The following MACROD2 variants were observed in gnomAD, a reference collection of about 807,000 sequenced individuals.
The protein encoded by MACROD2 is mono-ADP ribosylhydrolase 2, also known as ADP-ribose glycohydrolase MACROD2.
A neutral mutation model predicts 70.4 loss-of-function variants in MACROD2; 36 were observed. That is an observed-to-expected ratio of 0.51 (90% confidence interval 0.39 to 0.68). The LOEUF is 0.68. Among genes scored for constraint, MACROD2 ranks in the 30% least tolerant of loss-of-function variants. MACROD2 has a pLI of 0.00. For missense variants in MACROD2, 496 were observed against 538.4 expected (o/e 0.92, Z 0.78); for synonymous variants, 172 against 178.8 (o/e 0.96, Z 0.30).
At chr20:15,343,060 G>A (rs958224460) in intron 6 of MACROD2, among the ~76,000 whole-genome samples, 6 of 152,168 alleles carry the variant, frequency 3.9e-5, no homozygotes, top group African/African-American at 1.4e-4. Flanking sequence ...TTCAGTGATA[G>A]CCCAGATGCA....
intron 8 of MACROD2, among the ~76,000 whole-genome samples, chr20:15,744,612 T>C (rs375068600): frequency 6.6e-6 from 1 of 152,010 alleles, no homozygotes; most frequent in Admixed American, 6.6e-5. Context: ...GGCTTCCTTG[T>C]AGCTGAAGAA....
Position 14,571,543 on chromosome 20 carries a change from T to C in MACROD2, c.301+78035T>C, listed in dbSNP as rs538694316. 4.6e-5 allele frequency among the ~76,000 whole-genome samples: 7 copies of C among 152,236 alleles called. No individual in the cohort carries two copies. In the East Asian group the frequency reaches 1.3e-3, roughly 29 times the overall value. ...TTGAGTATCTATTATGTACTGGTTT[T>C]CTGAAATATCATTTTGTCCCTGTCA... On this transcript the variant is annotated intron_variant, in intron 4 of 17. Transcript: ENST00000684519.
At chr20:14,301,733 A>G (rs970900449) in intron 3 of MACROD2, among the ~76,000 whole-genome samples, 2 of 152,206 alleles carry the variant, frequency 1.3e-5, no homozygotes, top group African/African-American at 4.8e-5. Flanking sequence ...TTAAAGCATT[A>G]CATTTTTTTT....
At chr20:14,851,217 C>T (rs180767833) in intron 5 of MACROD2, among the ~76,000 whole-genome samples, 1 of 152,176 alleles carries the variant, frequency 6.6e-6, no homozygotes, top group African/African-American at 2.4e-5. Context: ...AATTCTTGAA[C>T]ATTTTGATTT....
chr20:15,769,279 C>A (rs557685008), intron 8 of MACROD2, among the ~76,000 whole-genome samples: 13 of 152,248 alleles, frequency 8.5e-5, no homozygotes, highest in Admixed American at 4.6e-4. Context: ...TCTCGAGTAG[C>A]TGGAATTACA....
At chr20:14,332,200 G>T (rs974251674) in intron 3 of MACROD2, among the ~76,000 whole-genome samples, 1 of 152,016 alleles carries the variant, frequency 6.6e-6, no homozygotes, top group African/African-American at 2.4e-5. Flanking sequence ...AATAAAAATT[G>T]TGGGGTTTTT....
chr20:15,743,893 A>G (rs1600831979), intron 8 of MACROD2, among the ~76,000 whole-genome samples: 2 of 152,166 alleles, frequency 1.3e-5, no homozygotes, highest in South Asian at 2.1e-4. Flanking sequence ...AAATAGGCAT[A>G]AGCTTAAATT....
At chr20:14,548,290 G>A (rs957358771) in intron 4 of MACROD2, among the ~76,000 whole-genome samples, 1 of 152,036 alleles carries the variant, frequency 6.6e-6, no homozygotes, top group African/African-American at 2.4e-5. Flanking sequence ...CTCCATGATA[G>A]TTTTCCCTCT....
chr20:15,066,583 A>G (rs903277889), intron 5 of MACROD2, among the ~76,000 whole-genome samples: 1 of 152,020 alleles, frequency 6.6e-6, no homozygotes, highest in Non-Finnish European at 1.5e-5. Flanking sequence ...TCAGCTTTAA[A>G]AGTGCAGTGA....
At chr20:14,390,748 G>T (rs906172092) in intron 3 of MACROD2, among the ~76,000 whole-genome samples, 9 of 151,940 alleles carry the variant, frequency 5.9e-5, no homozygotes, top group Non-Finnish European at 8.8e-5. Context: ...ACTCAAGAAT[G>T]GATTAAAGAA....
At chr20:15,697,414 A>G (rs575455639) in intron 8 of MACROD2, among the ~76,000 whole-genome samples, 32 of 152,278 alleles carry the variant, frequency 2.1e-4, no homozygotes, top group Middle Eastern at 6.8e-3. Flanking sequence ...GTGGTCTGAG[A>G]GAGTGCTTGC....
chr20:14,471,658 A>T (rs1210188764), intron 3 of MACROD2, among the ~76,000 whole-genome samples: 5 of 152,198 alleles, frequency 3.3e-5, no homozygotes, highest in Non-Finnish European at 7.3e-5. Context: ...TCATTGATTT[A>T]TGAATTCAAG....
At chr20:15,066,348 G>T (rs2075575062) in intron 5 of MACROD2, among the ~76,000 whole-genome samples, 1 of 151,454 alleles carries the variant, frequency 6.6e-6, no homozygotes, top group Non-Finnish European at 1.5e-5. Context: ...TGGCCAGGCT[G>T]GTCTCGAACT....
intron 3 of MACROD2, among the ~76,000 whole-genome samples, chr20:14,290,775 C>T (rs1228999852): frequency 6.6e-6 from 1 of 152,356 alleles, no homozygotes; most frequent in African/African-American, 2.4e-5. Flanking sequence ...TCCCAGAGTG[C>T]TGGGATTACA....
At chr20:15,116,576 C>T (rs988471859) in intron 5 of MACROD2, among the ~76,000 whole-genome samples, 10 of 152,106 alleles carry the variant, frequency 6.6e-5, no homozygotes, top group Non-Finnish European at 1.2e-4. Flanking sequence ...ACCTGGGAGG[C>T]GGAGGTTGCA....
At position 14,727,389 on chromosome 20, in the gene MACROD2, G is replaced by T. The variant is rs147238055; in HGVS notation, c.418+42430G>T. Among the ~76,000 whole-genome samples, 398 of 152,132 alleles carry T rather than the reference G, an allele frequency of 2.6e-3. 3 individuals carry two copies. Among genetic ancestry groups the T allele is most frequent in the African/African-American group, 9.3e-3 (386 of 41,484 alleles). On this transcript the variant is annotated intron_variant, in intron 5 of 17. Transcript: ENST00000684519. Reference sequence around the variant, plus strand: ...CTACAAAAAAATAATTTAAAAATTAGCCTGGCATGGTGGCATGCACCTGTG... The same window carrying T: ...CTACAAAAAAATAATTTAAAAATTATCCTGGCATGGTGGCATGCACCTGTG...
chr20:15,852,666 T>C (rs893056392), intron 8 of MACROD2, among the ~76,000 whole-genome samples: 2 of 152,220 alleles, frequency 1.3e-5, no homozygotes, highest in Non-Finnish European at 2.9e-5. Context: ...GTGAAATCTT[T>C]ATCCGTTACA....
chr20:14,141,574 C>T (rs1255536259), intron 3 of MACROD2, among the ~76,000 whole-genome samples: 1 of 151,622 alleles, frequency 6.6e-6, no homozygotes, highest in Non-Finnish European at 1.5e-5. Flanking sequence ...GGTGAAACCC[C>T]ATCTCTACAA....
At chr20:15,541,837 C>T (rs912681931) in intron 8 of MACROD2, among the ~76,000 whole-genome samples, 5 of 152,120 alleles carry the variant, frequency 3.3e-5, no homozygotes, top group Non-Finnish European at 7.3e-5. Context: ...CTCAATAGCC[C>T]ATAACTCCAT....
Sources: gnomAD v4.1 joint callset for allele counts (sites outside exome capture counted in the v4.1 genomes callset) on GRCh38, gnomAD v4.1.1 for gene constraint, MANE v1.5 for transcripts, NCBI Gene and HGNC (gene_info 2026-07-23, HGNC 2026-07-21) for gene names.